The following PPP1R9A variants were observed in gnomAD, a reference collection of about 807,000 sequenced individuals.
PPP1R9A encodes the protein protein phosphatase 1 regulatory subunit 9A.
Under a neutral mutation model 141.9 loss-of-function variants are expected in PPP1R9A, and 59 were observed. The ratio of observed to expected loss-of-function variants is 0.42; its 90% CI spans 0.34 to 0.52. PPP1R9A has a LOEUF of 0.52. PPP1R9A is among the 20% of genes least tolerant of loss of function. PPP1R9A has a pLI of 0.10. For missense variants in PPP1R9A, 1,444 were observed against 1,611.9 expected (o/e 0.90, Z 1.78); for synonymous variants, 500 against 569.7 (o/e 0.88, Z 1.74).
chr7:95,244,301 C>T (rs574133548), intron 8 of PPP1R9A, among the ~76,000 whole-genome samples: 4 of 152,202 alleles, frequency 2.6e-5, no homozygotes, highest in Admixed American at 2.0e-4. Context: ...CACAGTTTTA[C>T]CTGGGTTTGT....
chr7:95,275,689 C>T (rs1563546071), intron 16 of PPP1R9A, among the ~76,000 whole-genome samples: 1 of 152,162 alleles, frequency 6.6e-6, no homozygotes, highest in Non-Finnish European at 1.5e-5. Flanking sequence ...ACTATAAAAT[C>T]ATGCAAGGAC....
At chr7:95,285,099 C>T (rs1426982370) in intron 17 of PPP1R9A, among the ~76,000 whole-genome samples, 1 of 152,206 alleles carries the variant, frequency 6.6e-6, no homozygotes, top group Non-Finnish European at 1.5e-5. Context: ...TGTGCTCTAA[C>T]CTAGACTTCT....
intron 2 of PPP1R9A, among the ~76,000 whole-genome samples, chr7:94,968,639 C>G (rs1052655239): frequency 7.0e-4 from 107 of 152,106 alleles, no homozygotes; most frequent in Non-Finnish European, 1.2e-3. Flanking sequence ...AGTCTTGACT[C>G]CATCCAATTT....
At position 95,110,553 on chromosome 7, in the gene PPP1R9A, T is replaced by A. The variant is rs547438843; in HGVS notation, c.1396-706T>A. 3.9e-5 allele frequency among the ~76,000 whole-genome samples: 6 copies of A among 152,298 alleles called. No homozygotes were observed. In the East Asian group the frequency reaches 1.2e-3, roughly 29 times the overall value. ...ACTTCAGTTCCTTTTAAGATAAACA[T>A]TTCAGCAGAAATAAGGACAATCAAG... On this transcript the variant is annotated intron_variant, in intron 2 of 19. Transcript: ENST00000433360.
At chr7:95,217,339 G>C (rs1029449459) in intron 7 of PPP1R9A, among the ~76,000 whole-genome samples, 2 of 152,182 alleles carry the variant, frequency 1.3e-5, no homozygotes, top group Admixed American at 6.5e-5. Context: ...TGGTGGATAA[G>C]CTTTTTGATG....
At chr7:95,106,430 T>C (rs1462757402) in intron 2 of PPP1R9A, among the ~76,000 whole-genome samples, 1 of 152,216 alleles carries the variant, frequency 6.6e-6, no homozygotes, top group Non-Finnish European at 1.5e-5. Flanking sequence ...TCTTTCTCTT[T>C]ATCTGCAGCA....
chr7:95,165,696 G>T (rs1327604693), intron 5 of PPP1R9A, among the ~76,000 whole-genome samples: 2 of 152,184 alleles, frequency 1.3e-5, no homozygotes, highest in Admixed American at 6.5e-5. Flanking sequence ...AACTGAAAAT[G>T]TGGGAGTAGC....
intron 2 of PPP1R9A, among the ~76,000 whole-genome samples, chr7:94,996,693 T>G (rs1200015449): frequency 6.6e-6 from 1 of 152,160 alleles, no homozygotes; most frequent in Middle Eastern, 3.2e-3. Flanking sequence ...TTAGGCTCTA[T>G]TAATTTTTTG....
chr7:95,111,542 T>C, intron 3 of PPP1R9A, 151 bp downstream of exon 3: 1 of 877,162 alleles, frequency 1.1e-6, no homozygotes, highest in South Asian at 1.9e-5. Context: ...ATAGTTGATA[T>C]GGATTCTGAG....
intron 5 of PPP1R9A, among the ~76,000 whole-genome samples, chr7:95,180,562 A>G (rs1218635795): frequency 6.6e-6 from 1 of 152,208 alleles, no homozygotes; most frequent in Non-Finnish European, 1.5e-5. Context: ...TTGCACAGCC[A>G]AAGTCACAGT....
chr7:95,139,424 A>C (rs1584906938), intron 4 of PPP1R9A, among the ~76,000 whole-genome samples: 1 of 152,260 alleles, frequency 6.6e-6, no homozygotes, highest in Non-Finnish European at 1.5e-5. Context: ...ATTTAAGATG[A>C]GATTAGGGTG....
intron 7 of PPP1R9A, among the ~76,000 whole-genome samples, chr7:95,217,002 A>C: frequency 6.6e-6 from 1 of 152,096 alleles, no homozygotes; most frequent in Non-Finnish European, 1.5e-5. Context: ...TTCCAACACT[A>C]TGTTGAATAG....
At chr7:95,215,026 G>C (rs1437081064) in intron 7 of PPP1R9A, among the ~76,000 whole-genome samples, 1 of 151,752 alleles carries the variant, frequency 6.6e-6, no homozygotes, top group Non-Finnish European at 1.5e-5. Context: ...CAATGTGCAG[G>C]TTTGTTACAT....
chr7:95,079,099 G>T (rs753402105), intron 2 of PPP1R9A, among the ~76,000 whole-genome samples: 3 of 152,178 alleles, frequency 2.0e-5, no homozygotes, highest in Admixed American at 2.0e-4. Flanking sequence ...TTCTTCTAGC[G>T]TATTTATGGT....
Position 95,165,864 on chromosome 7 carries a change from T to A in PPP1R9A, c.1754+3893T>A, listed in dbSNP as rs553429108. ...GAAAACTATAAATGTTATTGAAAAT[T>A]GGGTCAGGCGCAGTGGCTCATGCCT... On this transcript the variant is annotated intron_variant, in intron 5 of 19. Transcript: ENST00000433360. Among the ~76,000 whole-genome samples the A allele has an allele frequency of 1.8e-4, 27 of 152,156 alleles. 1 individual carries two copies. The South Asian group carries it at 5.4e-3, about 30-fold the overall frequency.
At chr7:95,149,125 CT>C (rs1202743740) in intron 4 of PPP1R9A, among the ~76,000 whole-genome samples, 1 of 151,952 alleles carries the variant, frequency 6.6e-6, no homozygotes, top group African/African-American at 2.4e-5. Context: ...TCCATCACAT[CT>C]GCAGGCTAAA....
At chr7:95,238,975 CT>C (rs1425466505) in intron 8 of PPP1R9A, among the ~76,000 whole-genome samples, 1 of 151,984 alleles carries the variant, frequency 6.6e-6, no homozygotes, top group Non-Finnish European at 1.5e-5. Flanking sequence ...ATTGGGGAAA[CT>C]TTTTAATTTG....
intron 2 of PPP1R9A, among the ~76,000 whole-genome samples, chr7:94,950,801 T>C (rs10274458): frequency 0.47 from 71,185 of 151,932 alleles, 17,269 homozygotes; most frequent in East Asian, 0.82. Flanking sequence ...GGCTGGAATG[T>C]AGTGGTGCAA....
chr7:95,227,905 A>G (rs895033880), intron 8 of PPP1R9A, among the ~76,000 whole-genome samples: 1 of 152,186 alleles, frequency 6.6e-6, no homozygotes. Flanking sequence ...TAACATTAAT[A>G]TATTCATTTC....
Sources: allele counts gnomAD v4.1 joint callset (sites outside exome capture counted in the v4.1 genomes callset), GRCh38; gene constraint gnomAD v4.1.1; transcripts MANE v1.5; gene names NCBI Gene and HGNC (gene_info 2026-07-23, HGNC 2026-07-21).